PARN: variants seen among roughly 807,000 people sequenced by gnomAD.
PARN encodes poly(A)-specific ribonuclease PARN.
Under a neutral mutation model 102.8 loss-of-function variants are expected in PARN, and 71 were observed. The observed-to-expected ratio is 0.69, with a 90% CI of 0.57 to 0.84. The LOEUF is 0.84. PARN is among the 40% of genes least tolerant of loss of function. The pLI is 0.00. For missense variants in PARN, 782 were observed against 760.9 expected (o/e 1.03, Z -0.33); for synonymous variants, 261 against 252.9 (o/e 1.03, Z -0.30).
chr16:14,454,088 GGTT>G (rs1382446923), intron 22 of PARN, among the ~76,000 whole-genome samples: 6 of 152,022 alleles, frequency 3.9e-5, no homozygotes, highest in Non-Finnish European at 5.9e-5. Flanking sequence ...CAAAAAACTG[GGTT>G]GTTTTCTGAA....
At chr16:14,543,617 G>A (rs1204171630) in intron 21 of PARN, among the ~76,000 whole-genome samples, 1 of 152,150 alleles carries the variant, frequency 6.6e-6, no homozygotes, top group African/African-American at 2.4e-5. Flanking sequence ...TGAACTCTGA[G>A]AAGACTGTTA....
intron 22 of PARN, among the ~76,000 whole-genome samples, chr16:14,469,117 G>C (rs974418256): frequency 6.6e-6 from 1 of 152,018 alleles, no homozygotes; most frequent in South Asian, 2.1e-4. Context: ...GGCCAACATG[G>C]TGAAACTCGG....
At chr16:14,545,348 C>T (rs1966880020) in intron 21 of PARN, among the ~76,000 whole-genome samples, 1 of 152,072 alleles carries the variant, frequency 6.6e-6, no homozygotes, top group Admixed American at 6.6e-5. Flanking sequence ...TCTTTAGTCA[C>T]AACAGAATGA....
rs1279958494 is a variant in PARN at position 14,527,201 on chromosome 16, T to C, written c.1480+24820A>G. On this transcript the variant is annotated intron_variant, in intron 21 of 23. Coordinates refer to ENST00000437198, the MANE Select transcript of PARN (RefSeq NM_002582.4). ...ACCTTGTGGGGAATCCAAATGAGAG[T>C]AAACAGCTGAATCTCCAAACAAGCC... 2.0e-5 allele frequency among the ~76,000 whole-genome samples: 3 copies of C among 152,130 alleles called. No individual in the cohort carries two copies. In the East Asian group the frequency reaches 5.8e-4, roughly 29 times the overall value.
chr16:14,565,341 A>T (rs764589222), intron 18 of PARN, among the ~76,000 whole-genome samples: 9 of 151,930 alleles, frequency 5.9e-5, no homozygotes, highest in Non-Finnish European at 1.0e-4. Context: ...TGACAAATAG[A>T]GCGTTACTCA....
chr16:14,486,030 C>G (rs1040952762), intron 21 of PARN, among the ~76,000 whole-genome samples: 1 of 152,186 alleles, frequency 6.6e-6, no homozygotes, highest in African/African-American at 2.4e-5. Flanking sequence ...TTTTGATTTG[C>G]AAGCACACCC....
intron 13 of PARN, among the ~76,000 whole-genome samples, chr16:14,587,952 T>C (rs1969959412): frequency 6.6e-6 from 1 of 152,252 alleles, no homozygotes; most frequent in Non-Finnish European, 1.5e-5. Flanking sequence ...TGTGTTATGT[T>C]ACGCACTTAC....
chr16:14,627,199 T>C lies in PARN; in HGVS notation c.246-12A>G, dbSNP rs1972727215. 22 of 1,586,808 alleles carry C rather than the reference T, an allele frequency of 1.4e-5. No homozygotes were observed. Among genetic ancestry groups the C allele is most frequent in the Non-Finnish European group, 1.9e-5 (22 of 1,159,038 alleles). On this transcript the variant is annotated splice_polypyrimidine_tract_variant and intron_variant, in intron 4 of 23. Coordinates refer to ENST00000437198, the MANE Select transcript of PARN (RefSeq NM_002582.4). The stretch of plus-strand genomic sequence containing the variant: ...ACTTCGTTATATACCTGGGATAAGA[T>C]AAAAGGAGACTTAGGAGGTGACATT...
intron 21 of PARN, among the ~76,000 whole-genome samples, chr16:14,526,909 T>C (rs746227274): frequency 5.5e-4 from 83 of 152,218 alleles, no homozygotes; most frequent in Middle Eastern, 6.8e-3. Context: ...GGTGAGTACC[T>C]CTCCTTTAAA....
intron 19 of PARN, 67 bp from the exon 20 acceptor site, chr16:14,554,218 G>T: frequency 9.5e-7 from 1 of 1,056,718 alleles, no homozygotes; most frequent in Non-Finnish European, 1.4e-6. Flanking sequence ...GTGACTCTTT[G>T]ATGAAACTAA....
At chr16:14,594,658 G>A (rs1002437347) in intron 12 of PARN, among the ~76,000 whole-genome samples, 3 of 152,204 alleles carry the variant, frequency 2.0e-5, no homozygotes, top group Non-Finnish European at 4.4e-5. Flanking sequence ...GGAGGTTGCA[G>A]TGAGCTGAGA....
chr16:14,442,911 C>T (rs1961008793), intron 23 of PARN, among the ~76,000 whole-genome samples: 2 of 152,230 alleles, frequency 1.3e-5, no homozygotes, highest in Non-Finnish European at 2.9e-5. Context: ...GACTTTATCA[C>T]ATGAAAGTCT....
intron 22 of PARN, among the ~76,000 whole-genome samples, chr16:14,464,804 A>C (rs1962225933): frequency 6.6e-6 from 1 of 152,102 alleles, no homozygotes; most frequent in Non-Finnish European, 1.5e-5. Context: ...ATTTTTATAC[A>C]TACAAAAGAA....
chr16:14,572,983 G>T (rs1336000724), intron 18 of PARN, among the ~76,000 whole-genome samples: 1 of 151,678 alleles, frequency 6.6e-6, no homozygotes, highest in Non-Finnish European at 1.5e-5. Flanking sequence ...CAACCTCCTG[G>T]GCTCAAGCAA....
At chr16:14,589,664 G>A (rs939651823) in intron 13 of PARN, among the ~76,000 whole-genome samples, 1 of 151,768 alleles carries the variant, frequency 6.6e-6, no homozygotes, top group Non-Finnish European at 1.5e-5. Flanking sequence ...TCAGGAATTC[G>A]AGACCGGCCT....
intron 23 of PARN, among the ~76,000 whole-genome samples, chr16:14,440,780 G>T (rs1389732968): frequency 3.9e-5 from 6 of 152,182 alleles, no homozygotes; most frequent in Non-Finnish European, 5.9e-5. Flanking sequence ...ATGATTCCAG[G>T]TATATGACAT....
chr16:14,611,816 G>A (rs919874665), intron 6 of PARN, among the ~76,000 whole-genome samples: 2 of 152,088 alleles, frequency 1.3e-5, no homozygotes, highest in Admixed American at 1.3e-4. Context: ...ATTACAGGCG[G>A]GAGCCACGGC....
intron 21 of PARN, among the ~76,000 whole-genome samples, chr16:14,548,465 A>G (rs1197589379): frequency 1.3e-5 from 2 of 152,258 alleles, no homozygotes; most frequent in African/African-American, 4.8e-5. Flanking sequence ...TCATTTATGC[A>G]ATTCAATAAA....
At chr16:14,545,118 G>A (rs1000227920) in intron 21 of PARN, among the ~76,000 whole-genome samples, 15 of 152,096 alleles carry the variant, frequency 9.9e-5, no homozygotes, top group African/African-American at 3.4e-4. Flanking sequence ...AGCCCAGGAG[G>A]TGGAGGTTAC....
Sources: allele counts gnomAD v4.1 joint callset (sites outside exome capture counted in the v4.1 genomes callset), GRCh38; gene constraint gnomAD v4.1.1; transcripts MANE v1.5; gene names NCBI Gene and HGNC (gene_info 2026-07-23, HGNC 2026-07-21).